Variants in FBXW8 observed in about 807,000 individuals in gnomAD.
FBXW8 encodes F-box and WD repeat domain containing 8.
Under a neutral mutation model 65.3 loss-of-function variants are expected in FBXW8, and 57 were observed. The ratio of observed to expected loss-of-function variants is 0.87; its 90% CI spans 0.71 to 1.09. The LOEUF is 1.09. Among genes scored for constraint, FBXW8 ranks in the 50% least tolerant of loss-of-function variants. The pLI, the probability that FBXW8 is intolerant of heterozygous loss-of-function variation, is 0.00. For missense variants in FBXW8, 777 were observed against 814.8 expected (o/e 0.95, Z 0.57); for synonymous variants, 308 against 330.2 (o/e 0.93, Z 0.73).
At chr12:116,942,563 A>G (rs769971010) in intron 2 of FBXW8, among the ~76,000 whole-genome samples, 1 of 151,078 alleles carries the variant, frequency 6.6e-6, no homozygotes, top group Non-Finnish European at 1.5e-5. Context: ...TTTAGTCGAG[A>G]TGGGGTTTCA....
intron 3 of FBXW8, among the ~76,000 whole-genome samples, chr12:116,946,727 C>T (rs575660869): frequency 6.0e-4 from 91 of 152,108 alleles, no homozygotes; most frequent in Non-Finnish European, 1.1e-3. Context: ...GTAATAAACT[C>T]GTCTGGAGGG....
intron 2 of FBXW8, 80 bp from the exon 3 acceptor site, chr12:116,945,284 T>C (rs971528145): frequency 3.6e-6 from 5 of 1,404,280 alleles, no homozygotes; most frequent in South Asian, 1.3e-5. Context: ...GGCAATAATA[T>C]AGGTGTTGAT....
chr12:116,981,252 C>G (rs1169129228), intron 5 of FBXW8, among the ~76,000 whole-genome samples: 1 of 152,150 alleles, frequency 6.6e-6, no homozygotes, highest in Admixed American at 6.6e-5. Flanking sequence ...CTCAAACACC[C>G]CTCCCTGTTA....
chr12:116,993,196 C>T (rs1009789786), intron 7 of FBXW8, among the ~76,000 whole-genome samples: 12 of 137,836 alleles, frequency 8.7e-5, no homozygotes, highest in Admixed American at 1.7e-4. Flanking sequence ...ATCCACTGAG[C>T]GGGTTCAAGC....
chr12:116,944,691 A>C lies in FBXW8; in HGVS notation c.424-673A>C, dbSNP rs12319981. 7.2e-3 allele frequency among the ~76,000 whole-genome samples: 1,095 copies of C among 152,294 alleles called. 14 individuals are homozygous for C. The highest frequency in any genetic ancestry group is 0.025 in the African/African-American group (1,043 of 41,566). ...GATTAAGTAAACCTTTTGTTCCCCT[A>C]AATTAGTGTTGGAAAACAAAATGCT... On this transcript the variant is annotated intron_variant, in intron 2 of 10. Transcript: ENST00000652555.
intron 5 of FBXW8, among the ~76,000 whole-genome samples, chr12:116,981,244 CA>C (rs1885284809): frequency 6.6e-6 from 1 of 152,202 alleles, no homozygotes; most frequent in Non-Finnish European, 1.5e-5. Flanking sequence ...AGCTTTCACT[CA>C]AACACCCCTC....
chr12:116,957,711 T>C (rs1399890096), intron 4 of FBXW8, among the ~76,000 whole-genome samples: 1 of 152,232 alleles, frequency 6.6e-6, no homozygotes, highest in Non-Finnish European at 1.5e-5. Context: ...CCTTGTTTTG[T>C]ATAGATTTTC....
intron 2 of FBXW8, among the ~76,000 whole-genome samples, chr12:116,943,020 A>C (rs887763658): frequency 6.6e-6 from 1 of 151,704 alleles, no homozygotes; most frequent in Non-Finnish European, 1.5e-5. Context: ...CTGGTGATCT[A>C]CCCACCTCAG....
intron 5 of FBXW8, among the ~76,000 whole-genome samples, chr12:116,976,012 A>T (rs1001675647): frequency 2.0e-5 from 3 of 152,230 alleles, no homozygotes; most frequent in Admixed American, 6.5e-5. Flanking sequence ...TCATTCTGCT[A>T]TGGTTATGTA....
chr12:116,924,094 G>A (rs1042070105), intron 1 of FBXW8, among the ~76,000 whole-genome samples: 4 of 151,894 alleles, frequency 2.6e-5, no homozygotes, highest in African/African-American at 7.2e-5. Flanking sequence ...TATTTCTAAT[G>A]TCTTTAATTC....
At chr12:116,937,736 C>CCCTT (rs938781202) in intron 2 of FBXW8, among the ~76,000 whole-genome samples, 5 of 151,970 alleles carry the variant, frequency 3.3e-5, no homozygotes, top group African/African-American at 1.2e-4. Flanking sequence ...GGTGTGTCCT[C>CCCTT]CCACAGTAGA....
At chr12:116,953,319 G>C (rs1296993407) in intron 4 of FBXW8, among the ~76,000 whole-genome samples, 1 of 152,190 alleles carries the variant, frequency 6.6e-6, no homozygotes, top group Non-Finnish European at 1.5e-5. Context: ...GGGCCAGGCT[G>C]GGTGTGCGTG....
intron 8 of FBXW8, among the ~76,000 whole-genome samples, chr12:117,019,073 G>A (rs1014550918): frequency 5.9e-5 from 9 of 152,060 alleles, no homozygotes; most frequent in African/African-American, 1.2e-4. Context: ...TCTTACCTAC[G>A]CATGCCTAAG....
intron 1 of FBXW8, among the ~76,000 whole-genome samples, chr12:116,916,149 C>G (rs1880388787): frequency 6.6e-6 from 1 of 152,112 alleles, no homozygotes; most frequent in Non-Finnish European, 1.5e-5. Flanking sequence ...TTGGGACTCT[C>G]AGATATAGTG....
chr12:116,928,682 G>A (rs1429741520), intron 2 of FBXW8, among the ~76,000 whole-genome samples: 2 of 152,128 alleles, frequency 1.3e-5, no homozygotes, highest in Non-Finnish European at 2.9e-5. Context: ...CTTACTCTGG[G>A]GCATATGCCT....
At chr12:117,012,570 G>A (rs1953849174) in intron 8 of FBXW8, among the ~76,000 whole-genome samples, 1 of 152,166 alleles carries the variant, frequency 6.6e-6, no homozygotes, top group African/African-American at 2.4e-5. Flanking sequence ...GACTAAGTGT[G>A]GTAGAGGGAA....
rs200172747 is a variant in FBXW8, at chr12:116,964,715, G to T, written c.696G>T (p.Val232=). The T allele has an allele frequency of 2.5e-6, 4 of 1,613,774 alleles. No homozygotes were observed. The highest frequency in any genetic ancestry group is 3.4e-6 in the Non-Finnish European group (4 of 1,179,992). ...CTTCCAGATATACATCAGGGGATGT[G>T]AGAGTGTGGGACACCCGCACCTGGG... ...VVIAGYTSGD[V]RVWDTRTWDY... is the part of the protein sequence containing the mutation. The change falls in exon 5 of 11, where the codon GTG becomes GTT. Residue 232 remains valine, a synonymous_variant. Transcript: ENST00000652555.
rs889473947 is a variant in FBXW8, at chr12:117,028,225, C to T, written c.*53C>T. The T allele has an allele frequency of 4.4e-6, 7 of 1,598,856 alleles. No individual in the cohort carries two copies. Among genetic ancestry groups the T allele is most frequent in the African/African-American group, 2.7e-5 (2 of 74,678 alleles). ...AAAAATGGGAAGAACCAGTTTTATCCATCTTAAAACGCCAGGCACCTCTTC... is the reference window on the plus strand; with the variant it reads ...AAAAATGGGAAGAACCAGTTTTATCTATCTTAAAACGCCAGGCACCTCTTC... On this transcript the variant is annotated 3_prime_UTR_variant, in exon 11 of 11. Transcript: ENST00000652555. This position sits in a 1 kb window ranked among gnomAD's most constrained non-coding sequence, Gnocchi z 4.1.
intron 8 of FBXW8, among the ~76,000 whole-genome samples, chr12:117,018,034 C>G (rs1458676873): frequency 2.0e-5 from 3 of 152,142 alleles, no homozygotes; most frequent in African/African-American, 7.2e-5. Flanking sequence ...ATAAGTTATT[C>G]AGAGCTCTTA....
Sources: gnomAD v4.1 joint callset for allele counts (sites outside exome capture counted in the v4.1 genomes callset) on GRCh38, gnomAD v4.1.1 for gene constraint, Gnocchi (gnomAD v3.1) non-coding constraint, MANE v1.5 for transcripts, NCBI Gene and HGNC (gene_info 2026-07-23, HGNC 2026-07-21) for gene names.